FAM227B: variants seen among roughly 807,000 people sequenced by gnomAD.
FAM227B encodes the protein protein FAM227B.
Under a neutral mutation model 73.8 loss-of-function variants are expected in FAM227B, and 88 were observed. The ratio of observed to expected loss-of-function variants is 1.19; its 90% CI spans 1.00 to 1.42. The LOEUF is 1.42. FAM227B is among the 40% of genes most tolerant of loss of function. The pLI is 0.00. For synonymous variants in FAM227B, 210 were observed against 190.5 expected, an observed-to-expected ratio of 1.10 and a Z score of -0.84; for missense variants, 632 against 590.9, an observed-to-expected ratio of 1.07 and a Z score of -0.72.
intron 13 of FAM227B, among the ~76,000 whole-genome samples, chr15:49,348,960 T>G (rs1426655966): frequency 6.6e-6 from 1 of 152,216 alleles, no homozygotes. Flanking sequence ...ATTTCCCCCC[T>G]TATTCTTCCG....
chr15:49,406,085 T>C (rs1182365831), intron 11 of FAM227B, among the ~76,000 whole-genome samples: 4 of 152,178 alleles, frequency 2.6e-5, no homozygotes, highest in African/African-American at 4.8e-5. Context: ...CTGACTTTGT[T>C]CTCTGGCTCC....
At chr15:49,524,333 T>C (rs1393480134) in intron 10 of FAM227B, among the ~76,000 whole-genome samples, 1 of 152,100 alleles carries the variant, frequency 6.6e-6, no homozygotes, top group East Asian at 1.9e-4. Flanking sequence ...GAGTGGTTTG[T>C]TCAGGGGGTG....
chr15:49,576,556 G>A (rs2075454281), intron 7 of FAM227B, 185 bp downstream of exon 7: 2 of 515,590 alleles, frequency 3.9e-6, no homozygotes, highest in East Asian at 6.7e-5. Flanking sequence ...CAGTAACACA[G>A]AGTTTAATAT....
intron 10 of FAM227B, among the ~76,000 whole-genome samples, chr15:49,513,506 T>G (rs2059161778): frequency 6.6e-6 from 1 of 152,206 alleles, no homozygotes; most frequent in African/African-American, 2.4e-5. Flanking sequence ...TATTAAACCT[T>G]TGTCAGATAG....
chr15:49,590,407 C>T (rs1409447443), intron 3 of FAM227B, among the ~76,000 whole-genome samples: 2 of 152,096 alleles, frequency 1.3e-5, no homozygotes, highest in Admixed American at 6.5e-5. Flanking sequence ...GAATCTAGTT[C>T]AGAATAAAAA....
At chr15:49,376,049 ATG>A (rs1030562505) in intron 11 of FAM227B, among the ~76,000 whole-genome samples, 10 of 152,080 alleles carry the variant, frequency 6.6e-5, no homozygotes, top group Admixed American at 1.3e-4. Flanking sequence ...CATTGAAACC[ATG>A]TTTCCACAGT....
At chr15:49,523,131 T>A (rs2059906840) in intron 10 of FAM227B, among the ~76,000 whole-genome samples, 1 of 152,198 alleles carries the variant, frequency 6.6e-6, no homozygotes, top group Non-Finnish European at 1.5e-5. Context: ...AGCAGACTTC[T>A]AAGCAGAAAC....
chr15:49,354,902 C>T (rs1054888141), intron 13 of FAM227B, among the ~76,000 whole-genome samples: 2 of 152,038 alleles, frequency 1.3e-5, no homozygotes, highest in Non-Finnish European at 2.9e-5. Flanking sequence ...TGAGAACGGG[C>T]AGACTGCCTC....
intron 11 of FAM227B, among the ~76,000 whole-genome samples, chr15:49,461,646 G>A (rs1047031168): frequency 6.6e-5 from 10 of 152,188 alleles, no homozygotes; most frequent in Non-Finnish European, 1.3e-4. Flanking sequence ...TATTCAGATA[G>A]TGCAGGTACA....
chr15:49,351,878 G>A, intron 13 of FAM227B, among the ~76,000 whole-genome samples: 1 of 152,180 alleles, frequency 6.6e-6, no homozygotes, highest in East Asian at 1.9e-4. Context: ...AGGGAATATG[G>A]TTTAGTTGTC....
intron 13 of FAM227B, among the ~76,000 whole-genome samples, chr15:49,346,396 T>C (rs914991314): frequency 6.6e-6 from 1 of 152,144 alleles, no homozygotes; most frequent in Non-Finnish European, 1.5e-5. Flanking sequence ...ATTTTCCCCA[T>C]TGCCAATCAC....
intron 11 of FAM227B, among the ~76,000 whole-genome samples, chr15:49,471,935 AG>A (rs1218110295): frequency 6.6e-6 from 1 of 151,706 alleles, no homozygotes; most frequent in East Asian, 1.9e-4. Flanking sequence ...GTGACAGTGA[AG>A]TTCTGGATAA....
chr15:49,555,807 A>G (rs1241585278), intron 9 of FAM227B, among the ~76,000 whole-genome samples: 1 of 152,186 alleles, frequency 6.6e-6, no homozygotes, highest in East Asian at 1.9e-4. Flanking sequence ...TTGAGCCATG[A>G]AGAGTCTTTC....
chr15:49,573,875 T>A (rs2075281208), intron 8 of FAM227B, among the ~76,000 whole-genome samples: 1 of 152,200 alleles, frequency 6.6e-6, no homozygotes, highest in South Asian at 2.1e-4. Context: ...AAGAAGGGGC[T>A]GAAGTCTCTA....
At chr15:49,608,544 T>C (rs1395047879) in intron 3 of FAM227B, among the ~76,000 whole-genome samples, 1 of 152,098 alleles carries the variant, frequency 6.6e-6, no homozygotes, top group East Asian at 1.9e-4. Context: ...AAAGTGACTA[T>C]TATTTAGCTC....
chr15:49,418,083 T>C (rs1034890102), intron 11 of FAM227B, among the ~76,000 whole-genome samples: 1 of 152,170 alleles, frequency 6.6e-6, no homozygotes, highest in Non-Finnish European at 1.5e-5. Flanking sequence ...CTGCTAATCA[T>C]TAGAGAAATG....
intron 11 of FAM227B, among the ~76,000 whole-genome samples, chr15:49,420,201 T>TA (rs1379141735): frequency 6.6e-6 from 1 of 152,222 alleles, no homozygotes; most frequent in Non-Finnish European, 1.5e-5. Flanking sequence ...ATTTTCGTAG[T>TA]ATAAAATGAC....
chr15:49,512,120 C>A (rs1160284783), intron 10 of FAM227B, among the ~76,000 whole-genome samples: 1 of 152,002 alleles, frequency 6.6e-6, no homozygotes, highest in African/African-American at 2.4e-5. Context: ...CATAGTTACA[C>A]ACGTAGGCAC....
intron 11 of FAM227B, among the ~76,000 whole-genome samples, chr15:49,395,320 T>C (rs779993354): frequency 3.3e-5 from 5 of 152,134 alleles, no homozygotes; most frequent in African/African-American, 9.7e-5. Flanking sequence ...TAAGATATAG[T>C]AGTTCTTGTA....
Sources: allele counts gnomAD v4.1 joint callset (sites outside exome capture counted in the v4.1 genomes callset), GRCh38; gene constraint gnomAD v4.1.1; transcripts MANE v1.5; gene names NCBI Gene and HGNC (gene_info 2026-07-23, HGNC 2026-07-21).